CTNNA3: variants seen among roughly 807,000 people sequenced by gnomAD.
CTNNA3 encodes catenin alpha-3.
CTNNA3 carries 76 observed loss-of-function variants against 95.7 expected under a neutral mutation model. The observed-to-expected ratio is 0.79, with a 90% CI of 0.66 to 0.96. CTNNA3 has a LOEUF of 0.96. CTNNA3 is among the 40% of genes least tolerant of loss of function. CTNNA3 has a pLI of 0.00. For synonymous variants in CTNNA3, 431 were observed against 374.4 expected (o/e 1.15, Z -1.74); for missense variants, 1,191 against 1,089.8 (o/e 1.09, Z -1.31).
intron 17 of CTNNA3, among the ~76,000 whole-genome samples, chr10:65,965,475 G>T (rs1053930400): frequency 1.4e-5 from 2 of 144,692 alleles, no homozygotes. Context: ...CACGATCTCG[G>T]CTAACTGAAA....
chr10:65,921,039 A>C (rs921064162), intron 17 of CTNNA3, among the ~76,000 whole-genome samples: 2 of 152,178 alleles, frequency 1.3e-5, no homozygotes, highest in Non-Finnish European at 2.9e-5. Flanking sequence ...TTTAAATAGA[A>C]TCCTGTTAAA....
chr10:66,862,565 A>C (rs1843984196), intron 7 of CTNNA3, among the ~76,000 whole-genome samples: 1 of 152,186 alleles, frequency 6.6e-6, no homozygotes, highest in African/African-American at 2.4e-5. Context: ...AGAGAAGACT[A>C]TTCTAGAGAG....
chr10:66,467,076 A>C (rs951147124), intron 11 of CTNNA3, among the ~76,000 whole-genome samples: 16 of 151,826 alleles, frequency 1.1e-4, no homozygotes, highest in Admixed American at 9.8e-4. Context: ...AATAAATGTC[A>C]GGCTTGGCAG....
intron 7 of CTNNA3, among the ~76,000 whole-genome samples, chr10:66,906,461 A>T (rs1380689277): frequency 2.0e-5 from 3 of 152,292 alleles, no homozygotes; most frequent in African/African-American, 7.2e-5. Context: ...AATAGAATAC[A>T]AGTGGAAAAT....
chr10:66,672,132 G>T (rs561690700), intron 9 of CTNNA3, among the ~76,000 whole-genome samples: 2 of 152,186 alleles, frequency 1.3e-5, no homozygotes, highest in African/African-American at 4.8e-5. Context: ...AGTCCCTACA[G>T]AACTCCAGCA....
rs1426668089 is a variant in CTNNA3 at position 65,920,625 on chromosome 10, G to A, written c.2401-8C>T. On this transcript the variant is annotated splice_polypyrimidine_tract_variant and splice_region_variant and intron_variant, in intron 17 of 17. Transcript: ENST00000433211. ...GGATGTGACACTGTCCAACTGTAGGGAAAAAAGAGAAAAAAGAGCTATTAT... is the reference window on the plus strand; with the variant it reads ...GGATGTGACACTGTCCAACTGTAGGAAAAAAAGAGAAAAAAGAGCTATTAT... 6.3e-7 allele frequency: 1 copy of A among 1,592,474 alleles called. No homozygotes were observed.
intron 9 of CTNNA3, among the ~76,000 whole-genome samples, chr10:66,720,252 A>C (rs1236206952): frequency 6.6e-6 from 1 of 152,178 alleles, no homozygotes; most frequent in Non-Finnish European, 1.5e-5. Context: ...GAAGGTAAGA[A>C]GGTGAAGGCA....
chr10:67,255,009 T>C (rs1564515080), intron 5 of CTNNA3, among the ~76,000 whole-genome samples: 1 of 152,098 alleles, frequency 6.6e-6, no homozygotes. Flanking sequence ...ACCACAATAA[T>C]TTCTGGCCGG....
chr10:66,839,950 T>C (rs1395816451), intron 7 of CTNNA3, among the ~76,000 whole-genome samples: 2 of 152,160 alleles, frequency 1.3e-5, no homozygotes, highest in African/African-American at 4.8e-5. Flanking sequence ...ATGTTTGAAG[T>C]ATCTGATTTG....
At chr10:67,035,737 A>AAAT (rs1318954021) in intron 7 of CTNNA3, among the ~76,000 whole-genome samples, 1 of 152,182 alleles carries the variant, frequency 6.6e-6, no homozygotes, top group Non-Finnish European at 1.5e-5. Flanking sequence ...TACATCACAG[A>AAAT]AATGCTTTCA....
intron 7 of CTNNA3, among the ~76,000 whole-genome samples, chr10:66,943,139 C>G (rs1306871279): frequency 6.6e-6 from 1 of 152,152 alleles, no homozygotes; most frequent in Non-Finnish European, 1.5e-5. Flanking sequence ...GATACATGTC[C>G]TTCACTGGAG....
chr10:67,025,536 A>T (rs907923964), intron 7 of CTNNA3, among the ~76,000 whole-genome samples: 1 of 152,142 alleles, frequency 6.6e-6, no homozygotes, highest in Non-Finnish European at 1.5e-5. Flanking sequence ...AAAGGGTGAA[A>T]ATGTATTTTG....
chr10:65,941,312 A>G (rs113396834), intron 17 of CTNNA3, among the ~76,000 whole-genome samples: 3 of 152,302 alleles, frequency 2.0e-5, no homozygotes, highest in African/African-American at 7.2e-5. Context: ...CCATGGTGCA[A>G]TACTGACTCT....
chr10:67,735,163 A>G (rs1258631598), intron 1 of CTNNA3, among the ~76,000 whole-genome samples: 1 of 151,696 alleles, frequency 6.6e-6, no homozygotes, highest in African/African-American at 2.4e-5. Flanking sequence ...ACACACACAC[A>G]CACACACACA....
chr10:66,298,355 T>C (rs1046532074), intron 12 of CTNNA3, among the ~76,000 whole-genome samples: 2 of 152,118 alleles, frequency 1.3e-5, no homozygotes, highest in African/African-American at 2.4e-5. Flanking sequence ...ACTAAACTTA[T>C]TAGAAGAAAA....
At chr10:67,543,386 T>A (rs547540196) in intron 3 of CTNNA3, among the ~76,000 whole-genome samples, 38 of 152,190 alleles carry the variant, frequency 2.5e-4, no homozygotes, top group South Asian at 1.7e-3. Context: ...GTTGGCCAAA[T>A]ACACATATTA....
intron 5 of CTNNA3, among the ~76,000 whole-genome samples, chr10:67,277,600 G>T (rs1237158540): frequency 6.6e-6 from 1 of 152,074 alleles, no homozygotes; most frequent in Admixed American, 6.6e-5. Context: ...CCTAGTCACA[G>T]GATGAGATGG....
chr10:66,625,577 C>T (rs918078079), intron 9 of CTNNA3, among the ~76,000 whole-genome samples: 7 of 151,930 alleles, frequency 4.6e-5, no homozygotes, highest in East Asian at 1.9e-4. Flanking sequence ...TTTGTAGAGA[C>T]GGGGTTTCGC....
intron 5 of CTNNA3, among the ~76,000 whole-genome samples, chr10:67,516,166 G>A (rs186537143): frequency 3.7e-4 from 57 of 152,254 alleles, no homozygotes; most frequent in Admixed American, 2.9e-3. Context: ...GTTTCACCAT[G>A]TTGGTCAGGT....
Sources: allele counts gnomAD v4.1 joint callset (sites outside exome capture counted in the v4.1 genomes callset), GRCh38; gene constraint gnomAD v4.1.1; transcripts MANE v1.5; gene names NCBI Gene and HGNC (gene_info 2026-07-23, HGNC 2026-07-21).